Variants in RPS19 observed in about 807,000 individuals in gnomAD.
RPS19 encodes the protein ribosomal protein S19.
In RPS19, 1 loss-of-function variant was observed where a neutral mutation model predicts 20.3. The observed-to-expected ratio is 0.05, with a 90% CI of 0.02 to 0.23. The LOEUF is 0.23. Among genes scored for constraint, RPS19 ranks in the 10% least tolerant of loss-of-function variants. RPS19 has a pLI of 1.00. For missense variants in RPS19, 111 were observed against 192.7 expected (o/e 0.58, Z 2.51); for synonymous variants, 87 against 74.8 (o/e 1.16, Z -0.84).
chr19:41,860,606 G>A (rs1305318147), intron 1 of RPS19, 169 bp from the exon 2 acceptor site: 11 of 730,116 alleles, frequency 1.5e-5, no homozygotes, highest in Non-Finnish European at 2.5e-5. Context: ...GCGTCGGTGA[G>A]CTCCTTCAGA....
Position 41,861,226 on chromosome 19 carries a change from G to A in RPS19, c.172+14G>A, listed in dbSNP as rs782069021. 2 of 1,601,534 alleles carry A rather than the reference G, an allele frequency of 1.2e-6. No homozygotes were observed. Among genetic ancestry groups the A allele is most frequent in the Non-Finnish European group, 1.7e-6 (2 of 1,168,682 alleles). ...ACACGCGAGCTGGTGAGGAACTTAG[G>A]TCTTTGGCTGGAGAGTGGGGAGCTG... On this transcript the variant is annotated intron_variant, in intron 3 of 5. Transcript: ENST00000598742.
chr19:41,871,335 C>T lies in RPS19; in HGVS notation c.412-16C>T, dbSNP rs782562022. 1 of 1,613,660 alleles carries T rather than the reference C, an allele frequency of 6.2e-7. No individual in the cohort carries two copies. ...ACCCCCTTGACTAACTTTTATTCTT[C>T]CATCTTTTCCCACAGGTGGCAGCTG... is the stretch of plus-strand genomic sequence containing the variant. On this transcript the variant is annotated splice_polypyrimidine_tract_variant and intron_variant, in intron 5 of 5. Transcript: ENST00000598742.
Position 41,861,151 on chromosome 19 carries a change from C to A in RPS19, c.111C>A (p.Val37=). The stretch of plus-strand genomic sequence containing the variant: ...AAGTCCCCGAATGGGTGGATACCGT[C>A]AAGCTGGCCAAGCACAAAGAGCTTG... ...KLKVPEWVDT[V]KLAKHKELAP... is the part of the protein sequence containing the mutation. Residue 37 remains valine, a synonymous_variant, in exon 3 of 6, where the codon GTC becomes GTA. Coordinates refer to ENST00000598742, the MANE Select transcript of RPS19 (RefSeq NM_001022.4). 1 of 1,614,146 alleles carries A rather than the reference C, an allele frequency of 6.2e-7. No individual in the cohort carries two copies. The highest frequency in any genetic ancestry group is 1.1e-5 in the South Asian group (1 of 91,076).
At chr19:41,871,146 AG>A (rs1211171957) in intron 5 of RPS19, among the ~76,000 whole-genome samples, 1 of 151,938 alleles carries the variant, frequency 6.6e-6, no homozygotes, top group Non-Finnish European at 1.5e-5. Flanking sequence ...TAAAGGTGTG[AG>A]CCACTGTGCC....
At position 41,861,483 on chromosome 19, in the gene RPS19, G is replaced by T. The variant is rs1555839281; in HGVS notation, c.172+271G>T. On this transcript the variant is annotated intron_variant, in intron 3 of 5. Transcript: ENST00000598742. ...AATGTTCATATTTTGCTTACAGGTGGTTTAATCCTTTCTATATACACGGAG... is the reference window on the plus strand; with the variant it reads ...AATGTTCATATTTTGCTTACAGGTGTTTTAATCCTTTCTATATACACGGAG... 3 of 481,838 alleles carry T rather than the reference G, an allele frequency of 6.2e-6. No individual in the cohort carries two copies. In the East Asian group the frequency reaches 1.2e-4, roughly 19 times the overall value. 29.8% of individuals were successfully genotyped at this position (481,838 alleles called of 1,614,324 possible). A position where few individuals can be genotyped will look rare whatever the true frequency, so the allele number is the denominator to read the frequency against.
intron 5 of RPS19, among the ~76,000 whole-genome samples, chr19:41,870,849 CTTTTTTTTTTTTT>C (rs35987051): frequency 6.8e-5 from 3 of 43,964 alleles, no homozygotes; most frequent in Middle Eastern, 0.022. Flanking sequence ...CACTCCCTTC[CTTTTTTTTTTTTT>C]TTTTTTTTTT....
At chr19:41,867,115 C>A (rs1555840883) in intron 3 of RPS19, among the ~76,000 whole-genome samples, 1 of 151,804 alleles carries the variant, frequency 6.6e-6, no homozygotes, top group African/African-American at 2.4e-5. Context: ...TCCAGGAGTT[C>A]AGCCAGAGCA....
intron 3 of RPS19, chr19:41,861,565 G>A (rs553161743): frequency 2.7e-6 from 1 of 365,462 alleles, no homozygotes; most frequent in African/African-American, 2.1e-5. Context: ...CCTCTGGCAA[G>A]TTGGTTAACC....
intron 3 of RPS19, among the ~76,000 whole-genome samples, chr19:41,868,041 T>C (rs1186645564): frequency 6.6e-6 from 1 of 152,142 alleles, no homozygotes; most frequent in Non-Finnish European, 1.5e-5. Flanking sequence ...TGCCTGGCAC[T>C]TGGCAGTTAT....
intron 1 of RPS19, 189 bp downstream of exon 1, chr19:41,860,478 C>T (rs538047987): frequency 7.2e-4 from 329 of 455,088 alleles, no homozygotes; most frequent in African/African-American, 6.1e-3. Context: ...GCGTGGGCCC[C>T]GGGGGGCAGC....
At chr19:41,861,881 C>T (rs915766897) in intron 3 of RPS19, among the ~76,000 whole-genome samples, 21 of 152,300 alleles carry the variant, frequency 1.4e-4, no homozygotes, top group African/African-American at 5.1e-4. Context: ...TTTCAATCTT[C>T]CAATAATAAT....
chr19:41,872,040 T>G lies in RPS19; in HGVS notation c.*663T>G, dbSNP rs2074154175. The G allele has an allele frequency of 6.6e-6, 1 of 152,524 alleles. No homozygotes were observed. The highest frequency in any genetic ancestry group is 2.1e-4 in the South Asian group (1 of 4,850). The allele number at this position is 152,524 out of a possible 1,614,324, so 9.4% of individuals were successfully genotyped here. A position where few individuals can be genotyped will look rare whatever the true frequency, so the allele number is the denominator to read the frequency against. On this transcript the variant is annotated 3_prime_UTR_variant, in exon 6 of 6. Coordinates refer to ENST00000598742, the MANE Select transcript of RPS19 (RefSeq NM_001022.4). ...CCTTCACTCTGCATCTGAGCGGTCT[T>G]GGGCCCGCTGAGTGGCAGTGGCAGG... is the stretch of plus-strand genomic sequence containing the variant.
Position 41,871,608 on chromosome 19 carries a change from A to G in RPS19, c.*231A>G. On this transcript the variant is annotated 3_prime_UTR_variant, in exon 6 of 6. Transcript: ENST00000598742. Reference sequence around the variant, plus strand: ...GGTTTGGGTCTCTTGATTGTTCTTCAGGGGCATGAGGAAGAGGCGCTTCCT... The same window carrying G: ...GGTTTGGGTCTCTTGATTGTTCTTCGGGGGCATGAGGAAGAGGCGCTTCCT... 1 of 522,088 alleles carries G rather than the reference A, an allele frequency of 1.9e-6. No individual in the cohort carries two copies. Among genetic ancestry groups the G allele is most frequent in the South Asian group, 2.1e-5 (1 of 48,186 alleles). The allele number at this position is 522,088 out of a possible 1,614,324, so 32.3% of individuals were successfully genotyped here.
intron 1 of RPS19, 85 bp from the exon 2 acceptor site, chr19:41,860,690 G>A: frequency 2.0e-6 from 2 of 1,015,532 alleles, no homozygotes; most frequent in Non-Finnish European, 3.2e-6. Flanking sequence ...AGGATGCGCT[G>A]GAGCGAAAGG....
At chr19:41,862,377 AC>A (rs2074041077) in intron 3 of RPS19, among the ~76,000 whole-genome samples, 1 of 152,164 alleles carries the variant, frequency 6.6e-6, no homozygotes, top group Non-Finnish European at 1.5e-5. Context: ...TTGCTGGCAT[AC>A]CACCTACCCA....
At chr19:41,869,837 A>AT in intron 5 of RPS19, 84 bp downstream of exon 5, 1 of 1,444,362 alleles carries the variant, frequency 6.9e-7, no homozygotes, top group South Asian at 1.1e-5. Flanking sequence ...AGGTAGACTT[A>AT]TTTCCTTCTC....
chr19:41,869,307 CCTCAGGCCCCTCCTATCAG>C, intron 4 of RPS19, 93 bp downstream of exon 4: 1 of 1,165,720 alleles, frequency 8.6e-7, no homozygotes, highest in African/African-American at 1.5e-5. Context: ...CTGCCCAGCC[CCTCAGGCCCCTCCTATCAG>C]AGGCAGGCAG....
At chr19:41,868,882 G>A in intron 3 of RPS19, 149 bp from the exon 4 acceptor site, 1 of 822,238 alleles carries the variant, frequency 1.2e-6, no homozygotes, top group South Asian at 1.7e-5. Flanking sequence ...GGGTGGGTGA[G>A]GAGAGGGGGC....
At chr19:41,867,600 C>G (rs1600618976) in intron 3 of RPS19, among the ~76,000 whole-genome samples, 1 of 152,352 alleles carries the variant, frequency 6.6e-6, no homozygotes, top group East Asian at 1.9e-4. Flanking sequence ...GCGTGAGCCA[C>G]TGCGCCCGGC....
Sources: gnomAD v4.1 joint callset for allele counts (sites outside exome capture counted in the v4.1 genomes callset) on GRCh38, gnomAD v4.1.1 for gene constraint, MANE v1.5 for transcripts, NCBI Gene and HGNC (gene_info 2026-07-23, HGNC 2026-07-21) for gene names.